Variants in RBM47 observed in about 807,000 individuals in gnomAD.
RBM47 encodes the protein RNA binding motif protein 47, also known as RNA-binding protein 47.
Under a neutral mutation model 47.1 loss-of-function variants are expected in RBM47, and 21 were observed. That is an observed-to-expected ratio of 0.45 (90% CI 0.32 to 0.64). The LOEUF (loss-of-function observed/expected upper bound fraction) is 0.64, where lower values mean the gene tolerates loss of function less well. Among genes scored for constraint, RBM47 ranks in the 30% least tolerant of loss-of-function variants. The pLI, the probability that RBM47 is intolerant of heterozygous loss-of-function variation, is 0.05. For synonymous variants in RBM47, 375 were observed against 361.7 expected (o/e 1.04, Z -0.42); for missense variants, 708 against 870.9 (o/e 0.81, Z 2.35).
rs539744433 is a variant in RBM47, at chr4:40,514,611, G to A, written c.-155+29811C>T. 6 of 152,276 alleles carry A rather than the reference G, an allele frequency of 3.9e-5. No individual in the cohort carries two copies. The South Asian group carries it at 8.3e-4, about 21-fold the overall frequency. The allele number at this position is 152,276 out of a possible 1,614,324, so 9.4% of individuals were successfully genotyped here. ...CAAAAACCATGGCTCAGTGCTTTTG[G>A]TAAATGTTTTACGAGACACTAAACA... On this transcript the variant is annotated intron_variant, in intron 2 of 6. Coordinates refer to ENST00000295971, the MANE Select transcript of RBM47 (RefSeq NM_001098634.2).
Position 40,425,988 on chromosome 4 carries a change from A to G in RBM47, c.1698T>C (p.Tyr566=), listed in dbSNP as rs541839909. 19 of 1,614,112 alleles carry G rather than the reference A, an allele frequency of 1.2e-5. No individual in the cohort carries two copies. Among genetic ancestry groups the G allele is most frequent in the Middle Eastern group, 1.7e-4 (1 of 6,058 alleles). Residue 566 remains tyrosine, a synonymous_variant, in exon 7 of 7, where the codon TAT becomes TAC. Coordinates refer to ENST00000295971, the MANE Select transcript of RBM47 (RefSeq NM_001098634.2). ...GAGGTATGTAGCCTGCGTATCCTCC[A>G]TACATGGCGGCCGCGGCTGCCGCGT... is the stretch of plus-strand genomic sequence containing the variant. ...QKNAAAAAAM[Y]GGYAGYIPQA...
Position 40,466,032 on chromosome 4 carries a change from T to C in RBM47, c.-32+545A>G, listed in dbSNP as rs141169480. Among the ~76,000 whole-genome samples the C allele has an allele frequency of 6.8e-3, 1,028 of 152,194 alleles. 13 individuals carry two copies. Among genetic ancestry groups the C allele is most frequent in the African/African-American group, 0.023 (965 of 41,528 alleles). ...CCGTAATCCCAGGACTTTGGGAGGC[T>C]GAGGTGGGTGAATCTCTTGAGGCCA... On this transcript the variant is annotated intron_variant, in intron 3 of 6. Transcript: ENST00000295971.
At chr4:40,520,829 G>T (rs1726124935) in intron 2 of RBM47, among the ~76,000 whole-genome samples, 1 of 152,178 alleles carries the variant, frequency 6.6e-6, no homozygotes, top group Non-Finnish European at 1.5e-5. Flanking sequence ...ATAGGAGAGG[G>T]GAGATCAGTC....
chr4:40,505,028 A>T (rs1009276430), intron 2 of RBM47, among the ~76,000 whole-genome samples: 1 of 152,206 alleles, frequency 6.6e-6, no homozygotes, highest in Non-Finnish European at 1.5e-5. Flanking sequence ...TTATCTTTAA[A>T]AGATGCTGGG....
intron 2 of RBM47, among the ~76,000 whole-genome samples, chr4:40,524,003 G>T (rs1166486526): frequency 6.6e-6 from 1 of 152,092 alleles, no homozygotes; most frequent in African/African-American, 2.4e-5. Context: ...CAATGTTTGG[G>T]AAATACTTGT....
intron 1 of RBM47, among the ~76,000 whole-genome samples, chr4:40,573,807 A>AAAAGAAACAAAGAAAG (rs1732012250): frequency 7.3e-6 from 1 of 136,662 alleles, no homozygotes; most frequent in Non-Finnish European, 1.5e-5. Context: ...GAAAGAAAGA[A>AAAAGAAACAAAGAAAG]AAAGAAAGAA....
chr4:40,541,263 CAAA>C (rs113154815), intron 2 of RBM47, among the ~76,000 whole-genome samples: 29 of 110,832 alleles, frequency 2.6e-4, no homozygotes, highest in African/African-American at 6.3e-4. Context: ...AAGATTCTCT[CAAA>C]AAAAAAAAAA....
intron 1 of RBM47, among the ~76,000 whole-genome samples, chr4:40,573,817 AAGAAAGAAAGAAAGAAAG>A (rs1732021034): frequency 6.6e-6 from 1 of 151,824 alleles, no homozygotes; most frequent in Admixed American, 6.6e-5. Flanking sequence ...AAAAGAAAGA[AAGAAAGAAAGAAAGAAAG>A]AGAAAGAAAG....
chr4:40,545,033 A>C lies in RBM47; in HGVS notation c.-239-527T>G, dbSNP rs747149029. On this transcript the variant is annotated intron_variant, in intron 1 of 6. Coordinates refer to ENST00000295971, the MANE Select transcript of RBM47 (RefSeq NM_001098634.2). Reference sequence around the variant, plus strand: ...CTATGATCGTGCACTCCAGCCTGGAAAACAGAGTGAGATCCTTTTTTTTTT... The same window carrying C: ...CTATGATCGTGCACTCCAGCCTGGACAACAGAGTGAGATCCTTTTTTTTTT... Among the ~76,000 whole-genome samples the C allele has an allele frequency of 3.3e-3, 494 of 148,752 alleles. 4 individuals are homozygous for C. Among genetic ancestry groups the C allele is most frequent in the Admixed American group, 0.012 (184 of 14,854 alleles).
chr4:40,555,623 T>C (rs1444202696), intron 1 of RBM47, among the ~76,000 whole-genome samples: 1 of 152,226 alleles, frequency 6.6e-6, no homozygotes, highest in Non-Finnish European at 1.5e-5. Context: ...GAGAAGTAAC[T>C]TGCCCACATC....
At chr4:40,479,121 T>C (rs984970900) in intron 2 of RBM47, among the ~76,000 whole-genome samples, 1 of 152,220 alleles carries the variant, frequency 6.6e-6, no homozygotes, top group Admixed American at 6.5e-5. Flanking sequence ...AGATGAAGTA[T>C]AAAGCAGTAT....
intron 2 of RBM47, among the ~76,000 whole-genome samples, chr4:40,478,009 C>CTTTTTTTTTTTTTT (rs1194806938): frequency 6.9e-5 from 6 of 86,412 alleles, no homozygotes; most frequent in African/African-American, 2.9e-4. Flanking sequence ...GTGGCATGTT[C>CTTTTTTTTTTTTTT]TTTTTTTTTT....
At chr4:40,592,716 G>C (rs1183346705) in intron 1 of RBM47, among the ~76,000 whole-genome samples, 1 of 149,362 alleles carries the variant, frequency 6.7e-6, no homozygotes, top group Non-Finnish European at 1.5e-5. Flanking sequence ...GAGCCACCGC[G>C]CCTGGCCAAC....
chr4:40,484,526 G>T (rs1382876325), intron 2 of RBM47, among the ~76,000 whole-genome samples: 1 of 152,202 alleles, frequency 6.6e-6, no homozygotes, highest in African/African-American at 2.4e-5. Flanking sequence ...GTATGGTTGG[G>T]ATCATGTTAC....
intron 1 of RBM47, among the ~76,000 whole-genome samples, chr4:40,614,233 C>CA (rs1455137261): frequency 6.6e-6 from 1 of 152,108 alleles, no homozygotes; most frequent in Non-Finnish European, 1.5e-5. Flanking sequence ...AACCATCCCC[C>CA]ATCCACCCAA....
Position 40,506,621 on chromosome 4 carries a change from G to A in RBM47, c.-155+37801C>T, listed in dbSNP as rs142306302. The stretch of plus-strand genomic sequence containing the variant: ...AGCATGAGGTCAACCTTGTGGCAAT[G>A]GCTTTTGTACTCAACTGGCTTCCAA... On this transcript the variant is annotated intron_variant, in intron 2 of 6. Transcript: ENST00000295971. Among the ~76,000 whole-genome samples, 14 of 152,304 alleles carry A rather than the reference G, an allele frequency of 9.2e-5. No individual in the cohort carries two copies. In the East Asian group the frequency reaches 2.7e-3, roughly 29 times the overall value.
chr4:40,593,753 G>A (rs1395811165), intron 1 of RBM47, among the ~76,000 whole-genome samples: 3 of 151,814 alleles, frequency 2.0e-5, no homozygotes, highest in Non-Finnish European at 4.4e-5. Context: ...GCGTGGTGGC[G>A]GGCACCTGTA....
chr4:40,512,336 C>A (rs1725039345), intron 2 of RBM47, among the ~76,000 whole-genome samples: 2 of 148,160 alleles, frequency 1.3e-5, no homozygotes, highest in Admixed American at 1.4e-4. Flanking sequence ...ATCTCTTGAA[C>A]CTGGGAGGTG....
intron 1 of RBM47, among the ~76,000 whole-genome samples, chr4:40,573,450 G>C (rs777187803): frequency 2.0e-5 from 3 of 150,474 alleles, no homozygotes; most frequent in Non-Finnish European, 4.5e-5. Context: ...TTTTGAGTTT[G>C]AGGGTAACTA....
Sources: allele counts gnomAD v4.1 joint callset (sites outside exome capture counted in the v4.1 genomes callset), GRCh38; gene constraint gnomAD v4.1.1; transcripts MANE v1.5; gene names NCBI Gene and HGNC (gene_info 2026-07-23, HGNC 2026-07-21).